The following MPZL1 variants were observed in gnomAD, a reference collection of about 807,000 sequenced individuals.
The protein encoded by MPZL1 is myelin protein zero-like protein 1.
A neutral mutation model predicts 29.3 loss-of-function variants in MPZL1; 16 were observed. The ratio of observed to expected loss-of-function variants is 0.55; its 90% confidence interval spans 0.37 to 0.83. The LOEUF (loss-of-function observed/expected upper bound fraction) is 0.83. MPZL1 is among the 40% of genes least tolerant of loss of function. MPZL1 has a pLI of 0.00. For missense variants in MPZL1, 279 were observed against 332.9 expected (o/e 0.84, Z 1.26); for synonymous variants, 143 against 132.0 (o/e 1.08, Z -0.57).
Position 167,783,659 on chromosome 1 carries a change from T to A in MPZL1, c.709-4161T>A, listed in dbSNP as rs571361073. 3.3e-5 allele frequency among the ~76,000 whole-genome samples: 5 copies of A among 152,310 alleles called. No individual in the cohort carries two copies. The East Asian group carries it at 9.6e-4, about 29-fold the overall frequency. Reference sequence around the variant, plus strand: ...TACACATGAAGAAACTGAGGCTTAGTTAGGCAAGTCACTTGCTCAAGGTCA... The same window carrying A: ...TACACATGAAGAAACTGAGGCTTAGATAGGCAAGTCACTTGCTCAAGGTCA... On this transcript the variant is annotated intron_variant, in intron 5 of 5. Transcript: ENST00000359523.
At chr1:167,763,831 A>G (rs553803908) in intron 1 of MPZL1, among the ~76,000 whole-genome samples, 4 of 152,340 alleles carry the variant, frequency 2.6e-5, no homozygotes, top group Middle Eastern at 3.4e-3. Context: ...TGTTCCCTGT[A>G]ATAATAATCC....
At position 167,747,424 on chromosome 1, in the gene MPZL1, T is replaced by A. The variant is rs924279986; in HGVS notation, c.92-18159T>A. Among the ~76,000 whole-genome samples the A allele has an allele frequency of 2.0e-4, 31 of 152,164 alleles. 1 individual carries two copies. The highest frequency in any genetic ancestry group is 7.4e-5 in the Non-Finnish European group (5 of 68,012). On this transcript the variant is annotated intron_variant, in intron 1 of 5. Transcript: ENST00000359523. ...TGTTTTGTAGAAACAGGGGTCTCAC[T>A]ATGTTGCCCAGGCTGGTCTAGAACT... is the stretch of plus-strand genomic sequence containing the variant.
chr1:167,785,142 G>T (rs891447203), intron 5 of MPZL1, among the ~76,000 whole-genome samples: 1 of 152,178 alleles, frequency 6.6e-6, no homozygotes, highest in Non-Finnish European at 1.5e-5. Flanking sequence ...CCATTCTGTG[G>T]ATTGGTCGAG....
rs1432791249 is a variant in MPZL1, at chr1:167,772,416, A to G, written c.400A>G (p.Ile134Val). The G allele has an allele frequency of 6.2e-7, 1 of 1,614,150 alleles. No individual in the cohort carries two copies. Among genetic ancestry groups the G allele is most frequent in the Non-Finnish European group, 8.5e-7 (1 of 1,179,980 alleles). ...GCAGTTTATACACAATGGCACCTAT[A>G]TCTGTGATGTCAAAAACCCTCCTGA... ...NMQFIHNGTYICDVKNPPDIV... is the reference protein window; with the variant it reads ...NMQFIHNGTYVCDVKNPPDIV... Residue 134 changes from isoleucine (I) to valine (V), a missense_variant, in exon 3 of 6, where the codon ATC (isoleucine) becomes GTC (valine). Coordinates refer to ENST00000359523, the MANE Select transcript of MPZL1 (RefSeq NM_003953.6).
At chr1:167,772,995 A>G (rs1169238768) in intron 3 of MPZL1, among the ~76,000 whole-genome samples, 1 of 152,174 alleles carries the variant, frequency 6.6e-6, no homozygotes, top group Non-Finnish European at 1.5e-5. Context: ...GTTTTTCTTT[A>G]GAGCACTGAG....
At chr1:167,759,638 T>G (rs1003688995) in intron 1 of MPZL1, among the ~76,000 whole-genome samples, 1 of 152,246 alleles carries the variant, frequency 6.6e-6, no homozygotes, top group Non-Finnish European at 1.5e-5. Context: ...GGAAACCATG[T>G]GCAGTTTTAA....
intron 1 of MPZL1, among the ~76,000 whole-genome samples, chr1:167,722,672 A>G (rs7548746): frequency 0.19 from 28,398 of 152,158 alleles, 5,273 homozygotes; most frequent in African/African-American, 0.48. Flanking sequence ...GGTGGCGGAA[A>G]GTTGCAGGTT....
Position 167,787,965 on chromosome 1 carries a change from T to A in MPZL1, c.*44T>A. The A allele has an allele frequency of 6.6e-7, 1 of 1,506,170 alleles. No individual in the cohort carries two copies. Among genetic ancestry groups the A allele is most frequent in the Non-Finnish European group, 9.2e-7 (1 of 1,083,176 alleles). 93.3% of individuals were successfully genotyped at this position (1,506,170 alleles called of 1,614,324 possible). ...TCCTCAGCAAGAAACAAAACCAAAC[T>A]GGACTCTCGTGCAGAAAATGTAGCC... On this transcript the variant is annotated 3_prime_UTR_variant, in exon 6 of 6. Coordinates refer to ENST00000359523, the MANE Select transcript of MPZL1 (RefSeq NM_003953.6).
rs1247039217 is a variant in MPZL1 at position 167,739,300 on chromosome 1, TATATATATACAC to T, written c.91+17068_91+17079del. ...ATATATACATATATATATATATATA[TATATATATACAC>T]ATATATATATTTATGTTTATTCTTT... is the stretch of plus-strand genomic sequence containing the variant. On this transcript the variant is annotated intron_variant, in intron 1 of 5. Coordinates refer to ENST00000359523, the MANE Select transcript of MPZL1 (RefSeq NM_003953.6). 5.7e-4 allele frequency among the ~76,000 whole-genome samples: 65 copies of T among 114,746 alleles called. 1 individual carries two copies. Among genetic ancestry groups the T allele is most frequent in the Middle Eastern group, 4.0e-3 (1 of 252 alleles). The allele number at this position is 114,746 out of a possible 152,430, so 75.3% of individuals were successfully genotyped here. A position where few individuals can be genotyped will look rare whatever the true frequency, so the allele number is the denominator to read the frequency against.
At chr1:167,734,713 T>C (rs12077118) in intron 1 of MPZL1, among the ~76,000 whole-genome samples, 25,628 of 152,142 alleles carry the variant, frequency 0.17, 2,255 homozygotes, top group East Asian at 0.2. Flanking sequence ...GGGTAGGTCC[T>C]GAGGAGAATC....
chr1:167,759,149 A>G (rs933471006), intron 1 of MPZL1, among the ~76,000 whole-genome samples: 1 of 152,250 alleles, frequency 6.6e-6, no homozygotes, highest in South Asian at 2.1e-4. Context: ...TGCCATAATT[A>G]TAAATCCTTG....
At chr1:167,722,574 G>A (rs1021673096) in intron 1 of MPZL1, among the ~76,000 whole-genome samples, 3 of 152,328 alleles carry the variant, frequency 2.0e-5, no homozygotes, top group African/African-American at 7.2e-5. Context: ...GGCGCACCCT[G>A]CCCTCTCCTC....
intron 2 of MPZL1, among the ~76,000 whole-genome samples, chr1:167,767,722 G>A (rs1399496734): frequency 2.7e-5 from 4 of 149,576 alleles, no homozygotes; most frequent in Non-Finnish European, 4.4e-5. Flanking sequence ...TGGCTTTTTT[G>A]GCCCATGGCC....
chr1:167,776,020 A>G (rs377606213), intron 4 of MPZL1, 44 bp from the exon 5 acceptor site: 15 of 1,279,476 alleles, frequency 1.2e-5, no homozygotes, highest in East Asian at 5.3e-5. Flanking sequence ...TTTATTTATT[A>G]TTATTATTTT....
At chr1:167,724,539 A>G (rs1056681059) in intron 1 of MPZL1, among the ~76,000 whole-genome samples, 3 of 152,202 alleles carry the variant, frequency 2.0e-5, no homozygotes, top group African/African-American at 7.2e-5. Flanking sequence ...TACGTTTGAT[A>G]GAGCTTGGAA....
intron 1 of MPZL1, among the ~76,000 whole-genome samples, chr1:167,737,910 T>TC (rs1660408009): frequency 3.4e-5 from 5 of 147,104 alleles, no homozygotes; most frequent in African/African-American, 1.3e-4. Context: ...TGAGATTTCT[T>TC]GTGTTTTTTT....
intron 1 of MPZL1, among the ~76,000 whole-genome samples, chr1:167,745,993 G>A (rs573316291): frequency 6.6e-6 from 1 of 152,172 alleles, no homozygotes; most frequent in African/African-American, 2.4e-5. Flanking sequence ...AGAAAATAAT[G>A]TGTCTTACCC....
At chr1:167,773,532 A>T (rs1186447844) in intron 4 of MPZL1, 164 bp downstream of exon 4, 1 of 707,566 alleles carries the variant, frequency 1.4e-6, no homozygotes, top group African/African-American at 1.8e-5. Context: ...GGGCAAGTGG[A>T]AATCAGTGGG....
At chr1:167,748,352 T>TA (rs1660689810) in intron 1 of MPZL1, among the ~76,000 whole-genome samples, 1 of 152,194 alleles carries the variant, frequency 6.6e-6, no homozygotes, top group South Asian at 2.1e-4. Flanking sequence ...TGTGAAGTGG[T>TA]ATCTCATTGT....
Sources: gnomAD v4.1 joint callset for allele counts (sites outside exome capture counted in the v4.1 genomes callset) on GRCh38, gnomAD v4.1.1 for gene constraint, MANE v1.5 for transcripts, NCBI Gene and HGNC (gene_info 2026-07-23, HGNC 2026-07-21) for gene names.